Variants in NAV3 observed in about 807,000 individuals in gnomAD.
The protein encoded by NAV3 is pore membrane and/or filament interacting like protein 1.
In NAV3, 87 loss-of-function variants were observed where a neutral mutation model predicts 244.7. That is an observed-to-expected ratio of 0.36 (90% confidence interval 0.30 to 0.42). NAV3 has a LOEUF of 0.42. Ranked by LOEUF, NAV3 falls within the 20% of genes least tolerant of loss-of-function variation. The probability of loss-of-function intolerance (pLI) is 1.00; values close to 1 mark genes in which losing one functional copy is unlikely to be tolerated. For missense variants in NAV3, 2,663 were observed against 2,893.3 expected (o/e 0.92, Z 1.83); for synonymous variants, 1,126 against 1,042.2 (o/e 1.08, Z -1.55).
chr12:77,972,427 G>A (rs1244766696), intron 5 of NAV3, among the ~76,000 whole-genome samples: 1 of 152,078 alleles, frequency 6.6e-6, no homozygotes, highest in African/African-American at 2.4e-5. Flanking sequence ...TATTTGATAT[G>A]AAAATTAGAT....
intron 2 of NAV3, among the ~76,000 whole-genome samples, chr12:77,824,241 ATTTTTT>A (rs61710960): frequency 2.6e-4 from 27 of 104,920 alleles, no homozygotes; most frequent in African/African-American, 6.9e-4. Flanking sequence ...GCCCAACTAA[ATTTTTT>A]TTTTTTTTTT....
chr12:77,699,065 T>G (rs1220233578), intron 2 of NAV3, among the ~76,000 whole-genome samples: 1 of 152,152 alleles, frequency 6.6e-6, no homozygotes, highest in Admixed American at 6.6e-5. Context: ...TTCTTAGAGG[T>G]TATATATTTG....
chr12:77,974,713 G>A (rs540952758), intron 5 of NAV3, among the ~76,000 whole-genome samples: 16 of 152,154 alleles, frequency 1.1e-4, no homozygotes, highest in South Asian at 2.1e-4. Flanking sequence ...AATTCCCAGC[G>A]CAGTGGCATG....
intron 12 of NAV3, among the ~76,000 whole-genome samples, chr12:78,102,959 C>G (rs1954612369): frequency 6.6e-6 from 1 of 152,138 alleles, no homozygotes; most frequent in Non-Finnish European, 1.5e-5. Context: ...GGTGGGGCTG[C>G]CATGAAGACC....
At chr12:77,940,019 A>T (rs1292346968) in intron 1 of NAV3, among the ~76,000 whole-genome samples, 1 of 152,180 alleles carries the variant, frequency 6.6e-6, no homozygotes, top group African/African-American at 2.4e-5. Flanking sequence ...AAGAGAGAGA[A>T]AACCCAAACT....
chr12:77,997,850 C>T (rs1872619184), intron 6 of NAV3, among the ~76,000 whole-genome samples: 1 of 152,134 alleles, frequency 6.6e-6, no homozygotes, highest in African/African-American at 2.4e-5. Flanking sequence ...TTAGCTATTC[C>T]TTCTTGTTCA....
At chr12:77,724,307 T>TA (rs1565787504) in intron 2 of NAV3, among the ~76,000 whole-genome samples, 2 of 151,996 alleles carry the variant, frequency 1.3e-5, no homozygotes, top group Non-Finnish European at 2.9e-5. Context: ...ATAGAAATGT[T>TA]AAAAAACTTT....
intron 2 of NAV3, among the ~76,000 whole-genome samples, chr12:77,768,441 G>A (rs1172213601): frequency 1.3e-5 from 2 of 152,188 alleles, no homozygotes; most frequent in Non-Finnish European, 2.9e-5. Flanking sequence ...TGCCCTTAGT[G>A]CCCCCTCGGC....
intron 2 of NAV3, among the ~76,000 whole-genome samples, chr12:77,618,027 A>G (rs1450287390): frequency 6.6e-6 from 1 of 152,176 alleles, no homozygotes; most frequent in Non-Finnish European, 1.5e-5. Context: ...TGAGTGTGCA[A>G]CAAGTTTGGT....
chr12:78,007,721 C>A (rs1874487915), intron 8 of NAV3, among the ~76,000 whole-genome samples: 1 of 152,186 alleles, frequency 6.6e-6, no homozygotes, highest in African/African-American at 2.4e-5. Context: ...AAACCAGATG[C>A]CACAACTTTC....
chr12:77,654,893 A>G (rs1335067468), intron 2 of NAV3, among the ~76,000 whole-genome samples: 3 of 148,308 alleles, frequency 2.0e-5, no homozygotes, highest in Non-Finnish European at 4.4e-5. Context: ...CCTGCAGCTG[A>G]GGGTCCTGTC....
At chr12:77,978,740 TAA>T (rs2136240369) in intron 5 of NAV3, among the ~76,000 whole-genome samples, 1 of 152,052 alleles carries the variant, frequency 6.6e-6, no homozygotes, top group Non-Finnish European at 1.5e-5. Flanking sequence ...TTATAATTAA[TAA>T]AGTCAGTAAC....
At chr12:77,746,905 C>A (rs888883472) in intron 2 of NAV3, among the ~76,000 whole-genome samples, 73 of 152,166 alleles carry the variant, frequency 4.8e-4, no homozygotes, top group Non-Finnish European at 7.4e-5. Flanking sequence ...CATATAGTCT[C>A]AATAGTTATT....
chr12:77,963,951 C>T (rs958692701), intron 3 of NAV3, among the ~76,000 whole-genome samples: 8 of 138,604 alleles, frequency 5.8e-5, no homozygotes, highest in Non-Finnish European at 1.3e-4. Flanking sequence ...TCCTCCTCCT[C>T]CTTCCTCCTC....
At chr12:78,190,451 A>G (rs1958924497) in intron 34 of NAV3, among the ~76,000 whole-genome samples, 2 of 152,078 alleles carry the variant, frequency 1.3e-5, no homozygotes, top group South Asian at 4.1e-4. Flanking sequence ...TTGGGAATAT[A>G]CAGAATAATA....
At chr12:78,037,206 A>G (rs1321436254) in intron 9 of NAV3, 1 of 702,988 alleles carries the variant, frequency 1.4e-6, no homozygotes, top group Admixed American at 2.0e-5. Flanking sequence ...GGAAGGTGAG[A>G]GTGATGAAGA....
Position 77,931,162 on chromosome 12 carries a change from G to A in NAV3, c.244-9157G>A, listed in dbSNP as rs532045599. ...AATATGACTATATTTTTCTATTATTGCTCATCTTTTTCAATTTTGATCTCC... is the reference window on the plus strand; with the variant it reads ...AATATGACTATATTTTTCTATTATTACTCATCTTTTTCAATTTTGATCTCC... On this transcript the variant is annotated intron_variant, in intron 1 of 39. Coordinates refer to ENST00000397909, the MANE Select transcript of NAV3 (RefSeq NM_001024383.2). Among the ~76,000 whole-genome samples, 19 of 151,510 alleles carry A rather than the reference G, an allele frequency of 1.3e-4. No individual in the cohort carries two copies. The South Asian group carries it at 2.7e-3, about 22-fold the overall frequency.
intron 2 of NAV3, among the ~76,000 whole-genome samples, chr12:77,632,353 G>T (rs967641949): frequency 6.6e-6 from 1 of 152,156 alleles, no homozygotes; most frequent in Non-Finnish European, 1.5e-5. Context: ...AGGTTTAATG[G>T]ACTCAGAGTT....
intron 34 of NAV3, among the ~76,000 whole-genome samples, chr12:78,190,677 G>C (rs1310564364): frequency 1.3e-5 from 2 of 152,076 alleles, no homozygotes; most frequent in African/African-American, 2.4e-5. Context: ...AATATTCCAA[G>C]CAGATATTCT....
Sources: allele counts gnomAD v4.1 joint callset (sites outside exome capture counted in the v4.1 genomes callset), GRCh38; gene constraint gnomAD v4.1.1; transcripts MANE v1.5; gene names NCBI Gene and HGNC (gene_info 2026-07-23, HGNC 2026-07-21).